The following COL27A1 variants were observed in gnomAD, a reference collection of about 807,000 sequenced individuals.
The protein encoded by COL27A1 is collagen type XXVII alpha 1 chain.
Under a neutral mutation model 251.3 loss-of-function variants are expected in COL27A1, and 106 were observed. The ratio of observed to expected loss-of-function variants is 0.42; its 90% CI spans 0.36 to 0.50. The LOEUF is 0.50. Among genes scored for constraint, COL27A1 ranks in the 20% least tolerant of loss-of-function variants. The pLI, the probability that COL27A1 is intolerant of heterozygous loss-of-function variation, is 0.00. For missense variants in COL27A1, 2,325 were observed against 2,522.8 expected (o/e 0.92, Z 1.68); for synonymous variants, 1,000 against 986.3 (o/e 1.01, Z -0.26).
At chr9:114,246,415 G>A (rs1221855234) in intron 24 of COL27A1, among the ~76,000 whole-genome samples, 3 of 152,200 alleles carry the variant, frequency 2.0e-5, no homozygotes, top group Admixed American at 2.0e-4. Context: ...GTTGCAACTA[G>A]TCATTAAAAT....
rs750734921 is a variant in COL27A1 at position 114,168,822 on chromosome 9, G to C, written c.1267G>C (p.Glu423Gln). ...TCCTGCCAGAGTCTCCCGTCCCGCA[G>C]AGAAGCCCATCCAGAGGAACCCGGG... ...PVPARVSRPA[E>Q]KPIQRNPGMP... Residue 423 changes from glutamate to glutamine, a missense_variant, in exon 3 of 61, where the codon GAG becomes CAG. Transcript: ENST00000356083. 1 of 1,614,018 alleles carries C rather than the reference G, an allele frequency of 6.2e-7. No individual in the cohort carries two copies. The highest frequency in any genetic ancestry group is 1.1e-5 in the South Asian group (1 of 91,058).
Position 114,169,197 on chromosome 9 carries a change from A to C in COL27A1, c.1642A>C (p.Lys548Gln), listed in dbSNP as rs201546176. Residue 548 changes from lysine to glutamine, a missense_variant, in exon 3 of 61, where the codon AAG becomes CAG. Physicochemically the swap from Lys to Gln is moderately conservative, Grantham distance 53 (BLOSUM62 1). Around this residue, in one of 4 missense-constraint regions of COL27A1, gnomAD observed 1,183 missense variants for 1,144.1 expected, o/e 1.03. Coordinates refer to ENST00000356083, the MANE Select transcript of COL27A1 (RefSeq NM_032888.4). ...GSEASKKAGP[K>Q]SSPRKPVPLR... ...GGAAGCCTCAAAGAAAGCCGGACCC[A>C]AGAGCAGCCCCCGGAAGCCTGTCCC... The C allele has an allele frequency of 6.2e-7, 1 of 1,614,076 alleles. No homozygotes were observed. Among genetic ancestry groups the C allele is most frequent in the African/African-American group, 1.3e-5 (1 of 75,036 alleles).
intron 1 of COL27A1, among the ~76,000 whole-genome samples, chr9:114,160,529 G>A (rs1226883666): frequency 6.6e-6 from 1 of 152,060 alleles, no homozygotes; most frequent in African/African-American, 2.4e-5. Flanking sequence ...GACACTTCCT[G>A]TGTGCCTGCC....
intron 2 of COL27A1, among the ~76,000 whole-genome samples, chr9:114,165,956 TC>T (rs1335739962): frequency 2.0e-5 from 3 of 151,240 alleles, no homozygotes; most frequent in East Asian, 4.0e-4. Context: ...CATCTATCCA[TC>T]CATCCATCCA....
chr9:114,274,032 A>T (rs1379358984), intron 36 of COL27A1: 1 of 152,184 alleles, frequency 6.6e-6, no homozygotes, highest in East Asian at 1.9e-4. Context: ...ATCTGAGGTC[A>T]GGAGTTCGAG....
intron 16 of COL27A1, among the ~76,000 whole-genome samples, chr9:114,235,096 A>AAAG (rs1832276799): frequency 2.0e-5 from 3 of 151,272 alleles, no homozygotes; most frequent in African/African-American, 7.3e-5. Context: ...AAAAAAAAAA[A>AAAG]AAATAGACCA....
rs116052327 is a variant in COL27A1, at chr9:114,266,427, C to T, written c.3394-138C>T. On this transcript the variant is annotated intron_variant, in intron 32 of 60. Coordinates refer to ENST00000356083, the MANE Select transcript of COL27A1 (RefSeq NM_032888.4). ...GAGGGGCTGCAGACACCAGGACCCTCGGTGTGGCTGGGGCGGACTAGGGGT... is the reference window on the plus strand; with the variant it reads ...GAGGGGCTGCAGACACCAGGACCCTTGGTGTGGCTGGGGCGGACTAGGGGT... The T allele has an allele frequency of 2.4e-3, 1,492 of 634,332 alleles. 19 individuals carry two copies. The African/African-American group carries it at 0.025, about 11-fold the overall frequency. The allele number at this position is 634,332 out of a possible 1,614,324, so 39.3% of individuals were successfully genotyped here.
At chr9:114,262,273 C>T (rs746661280) in intron 28 of COL27A1, among the ~76,000 whole-genome samples, 7 of 152,126 alleles carry the variant, frequency 4.6e-5, no homozygotes, top group Non-Finnish European at 1.0e-4. Flanking sequence ...AGACTGAGGC[C>T]CAGAGAGGAG....
intron 35 of COL27A1, among the ~76,000 whole-genome samples, 163 bp from the exon 36 acceptor site, chr9:114,270,565 C>G (rs1835072606): frequency 6.6e-6 from 1 of 152,228 alleles, no homozygotes; most frequent in African/African-American, 2.4e-5. Flanking sequence ...GCTAACTCAG[C>G]CCCTGGCTAC....
At chr9:114,244,784 C>G (rs1310081975) in intron 23 of COL27A1, among the ~76,000 whole-genome samples, 1 of 152,202 alleles carries the variant, frequency 6.6e-6, no homozygotes, top group African/African-American at 2.4e-5. Flanking sequence ...GCCTCTCTCC[C>G]TCAGATACCA....
rs755438789 is a variant in COL27A1, at chr9:114,169,395, C to A, written c.1840C>A (p.Leu614Met). Reference protein sequence around the residue: ...PTSSGYSIFHLAGSTPFPLLM... With the variant: ...PTSSGYSIFHMAGSTPFPLLM... The stretch of plus-strand genomic sequence containing the variant: ...GAGCAGTGGCTATTCGATCTTCCAC[C>A]TGGCAGGATCTACGCCTTTCCCTCT... The change falls in exon 3 of 61, where the codon CTG (leucine) becomes ATG (methionine). Residue 614 changes from leucine to methionine, a missense_variant. This residue lies in a region of COL27A1 where 1,183 missense variants were observed against 1,144.1 expected (regional missense o/e 1.03). Transcript: ENST00000356083. The A allele has an allele frequency of 3.7e-6, 6 of 1,606,734 alleles. No homozygotes were observed. In the South Asian group the frequency reaches 6.6e-5, roughly 18 times the overall value.
intron 57 of COL27A1, among the ~76,000 whole-genome samples, chr9:114,305,035 G>T (rs1322790931): frequency 6.6e-6 from 1 of 152,244 alleles, no homozygotes; most frequent in Non-Finnish European, 1.5e-5. Flanking sequence ...TTCTTCAGGA[G>T]TAAGAAGCTC....
chr9:114,233,074 AAAG>A (rs1204740380), intron 16 of COL27A1, among the ~76,000 whole-genome samples: 2 of 152,278 alleles, frequency 1.3e-5, no homozygotes, highest in East Asian at 3.9e-4. Context: ...CCCTCTCAAA[AAAG>A]AAGCTTGCCT....
At position 114,249,020 on chromosome 9, in the gene COL27A1, A is replaced by G. The variant is rs562774515; in HGVS notation, c.2980-1595A>G. The stretch of plus-strand genomic sequence containing the variant: ...TATGAAGTACCTCTACGCATCGTGC[A>G]CCATCTCCCGTATTCGGAACAGTGC... On this transcript the variant is annotated intron_variant, in intron 24 of 60. Transcript: ENST00000356083. Among the ~76,000 whole-genome samples, 18 of 152,306 alleles carry G rather than the reference A, an allele frequency of 1.2e-4. No individual in the cohort carries two copies. In the South Asian group the frequency reaches 3.5e-3, roughly 30 times the overall value.
intron 3 of COL27A1, among the ~76,000 whole-genome samples, chr9:114,175,763 A>G (rs1388611545): frequency 1.3e-5 from 2 of 152,202 alleles, no homozygotes; most frequent in Admixed American, 1.3e-4. Flanking sequence ...GGGTCCATGA[A>G]GGAGCTGCAC....
upstream of COL27A1, among the ~76,000 whole-genome samples, chr9:114,155,383 G>C (rs1370252315): frequency 2.0e-5 from 3 of 152,216 alleles, no homozygotes; most frequent in Admixed American, 1.3e-4. The surrounding 1 kb of genome is among the most constrained non-coding windows in gnomAD (Gnocchi z 5.5). Context: ...GTGTCCCATC[G>C]GGGCTGTAGT....
intron 5 of COL27A1, among the ~76,000 whole-genome samples, chr9:114,183,753 T>A (rs1828125123): frequency 6.6e-6 from 1 of 152,134 alleles, no homozygotes; most frequent in African/African-American, 2.4e-5. Context: ...ATTCTGGAAC[T>A]CAGGATTGCT....
intron 49 of COL27A1, among the ~76,000 whole-genome samples, chr9:114,299,551 AC>A (rs1342790937): frequency 6.6e-6 from 1 of 152,144 alleles, no homozygotes; most frequent in Non-Finnish European, 1.5e-5. Flanking sequence ...TGTCTGCGTG[AC>A]TTTTAGCAAG....
intron 12 of COL27A1, chr9:114,218,004 C>A: frequency 2.8e-6 from 1 of 356,378 alleles, no homozygotes; most frequent in South Asian, 2.1e-5. Context: ...ATCCCAGCTA[C>A]TTGGGAGGCT....
Sources: allele counts gnomAD v4.1 joint callset (sites outside exome capture counted in the v4.1 genomes callset), GRCh38; gene constraint gnomAD v4.1.1; regional missense constraint gnomAD v4.1.1; non-coding constraint Gnocchi (gnomAD v3.1); transcripts MANE v1.5; gene names NCBI Gene and HGNC (gene_info 2026-07-23, HGNC 2026-07-21).